Variants in SRGAP1 observed in about 807,000 individuals in gnomAD.
SRGAP1 encodes SLIT-ROBO Rho GTPase activating protein 1.
A neutral mutation model predicts 121.9 loss-of-function variants in SRGAP1; 43 were observed. That is an observed-to-expected ratio of 0.35 (90% CI 0.28 to 0.46). The LOEUF (loss-of-function observed/expected upper bound fraction) is 0.46. Among genes scored for constraint, SRGAP1 ranks in the 20% least tolerant of loss-of-function variants. The pLI is 1.00. For synonymous variants in SRGAP1, 447 were observed against 485.4 expected, an observed-to-expected ratio of 0.92 and a Z score of 1.04; for missense variants, 1,102 against 1,350.9, an observed-to-expected ratio of 0.82 and a Z score of 2.89.
intron 1 of SRGAP1, among the ~76,000 whole-genome samples, chr12:63,852,496 A>G (rs956244960): frequency 1.3e-5 from 2 of 152,214 alleles, no homozygotes; most frequent in African/African-American, 2.4e-5. Context: ...GACAATGCAT[A>G]CAGATTCCCA....
rs1180842778 is a variant in SRGAP1 at position 64,149,466 on chromosome 12, A to G, written c.*6794A>G. The G allele has an allele frequency of 2.0e-5, 3 of 152,108 alleles. No individual in the cohort carries two copies. Among genetic ancestry groups the G allele is most frequent in the Admixed American group, 6.5e-5 (1 of 15,276 alleles). The allele number at this position is 152,108 out of a possible 1,614,324, so 9.4% of individuals were successfully genotyped here. A position where few individuals can be genotyped will look rare whatever the true frequency, so the allele number is the denominator to read the frequency against. On this transcript the variant is annotated 3_prime_UTR_variant, in exon 22 of 22. Transcript: ENST00000355086. ...TAGCCCACCAGGAACAAATGCCCAA[A>G]TCAGTCTGTAGAGTTGTTCCAGGAA...
At chr12:63,956,820 T>C (rs1038235862) in intron 1 of SRGAP1, among the ~76,000 whole-genome samples, 1 of 151,122 alleles carries the variant, frequency 6.6e-6, no homozygotes, top group South Asian at 2.1e-4. Flanking sequence ...TATTCAGAGC[T>C]GTGCAACAAT....
At chr12:63,898,628 C>T (rs1487179294) in intron 1 of SRGAP1, among the ~76,000 whole-genome samples, 1 of 152,134 alleles carries the variant, frequency 6.6e-6, no homozygotes, top group Non-Finnish European at 1.5e-5. Context: ...ACTCTACAAA[C>T]AATCCAGAAT....
At chr12:64,001,000 A>T (rs1259318796) in intron 3 of SRGAP1, among the ~76,000 whole-genome samples, 1 of 152,190 alleles carries the variant, frequency 6.6e-6, no homozygotes, top group Non-Finnish European at 1.5e-5. Flanking sequence ...ACTTGAGAAA[A>T]TATCACAATA....
Position 64,108,934 on chromosome 12 carries a change from A to C in SRGAP1, c.1816A>C (p.Ile606Leu), listed in dbSNP as rs535795598. The change falls in exon 16 of 22, where the codon ATA (isoleucine) becomes CTA (leucine). Residue 606 changes from isoleucine to leucine, a missense_variant and splice_region_variant. Physicochemically the swap from Ile to Leu is conservative, Grantham distance 5 (BLOSUM62 2). Transcript: ENST00000355086. ...RFNDLISCIR[I>L]DNLYERALHI... is the part of the protein sequence containing the mutation. Reference sequence around the variant, plus strand: ...ACCATGTCATCTTCTGTCTGTAGGAATAGATAATCTCTATGAGAGGGCGCT... The same window carrying C: ...ACCATGTCATCTTCTGTCTGTAGGACTAGATAATCTCTATGAGAGGGCGCT... 3.1e-5 allele frequency: 50 copies of C among 1,593,984 alleles called. No individual in the cohort carries two copies. The South Asian group carries it at 5.7e-4, about 18-fold the overall frequency.
At chr12:63,937,959 A>G (rs547168511) in intron 1 of SRGAP1, among the ~76,000 whole-genome samples, 1 of 152,204 alleles carries the variant, frequency 6.6e-6, no homozygotes. Flanking sequence ...ATCTCCCCAC[A>G]CAGCAGCAGG....
rs115564701 is a variant in SRGAP1 at position 64,127,599 on chromosome 12, G to A, written c.2415G>A (p.Thr805=). ...QYIVVQDMDD[T]FSDTLSQKAD... ...CCTCTTACTGCTTCAGGGATGATAC[G>A]TTTTCAGACACTCTGAGCCAAAAAG... Residue 805 remains threonine (T), a synonymous_variant, in exon 20 of 22, where the codon ACG becomes ACA. Coordinates refer to ENST00000355086, the MANE Select transcript of SRGAP1 (RefSeq NM_020762.4). 3.1e-4 allele frequency: 506 copies of A among 1,613,436 alleles called. 4 individuals carry two copies. In the African/African-American group the frequency reaches 4.8e-3, roughly 15 times the overall value.
intron 1 of SRGAP1, among the ~76,000 whole-genome samples, chr12:63,917,809 C>G (rs545553152): frequency 1.5e-4 from 22 of 151,282 alleles, no homozygotes; most frequent in Admixed American, 5.9e-4. Flanking sequence ...TTCTGTAATT[C>G]TTGTACACAC....
At chr12:63,853,983 A>G (rs190683043) in intron 1 of SRGAP1, among the ~76,000 whole-genome samples, 49 of 152,334 alleles carry the variant, frequency 3.2e-4, no homozygotes, top group African/African-American at 1.1e-3. Context: ...CTTAGTTGGC[A>G]TGTGTGTTTG....
Position 64,090,405 on chromosome 12 carries a change from C to T in SRGAP1, c.1437-871C>T, listed in dbSNP as rs563847098. Among the ~76,000 whole-genome samples, 17 of 152,228 alleles carry T rather than the reference C, an allele frequency of 1.1e-4. 1 individual carries two copies. The highest frequency in any genetic ancestry group is 1.0e-3 in the Admixed American group (16 of 15,296). ...TGTTCTAAAGAAATAATAACTCATG[C>T]GAGCCTGTATGTCCCCCAAATTAGA... On this transcript the variant is annotated intron_variant, in intron 11 of 21. Coordinates refer to ENST00000355086, the MANE Select transcript of SRGAP1 (RefSeq NM_020762.4).
chr12:64,088,573 G>A (rs932726493), intron 11 of SRGAP1, among the ~76,000 whole-genome samples: 2 of 152,168 alleles, frequency 1.3e-5, no homozygotes, highest in South Asian at 2.1e-4. Flanking sequence ...AATGAGTCAC[G>A]CAATTGGAAT....
rs1048063139 is a variant in SRGAP1, at chr12:63,875,373, G to A, written c.67+30490G>A. ...ATTTCTGCTTTTTAGCAGGAAGGTCGCCAATAATCAAGCTGTAAAAATATT... is the reference window on the plus strand; with the variant it reads ...ATTTCTGCTTTTTAGCAGGAAGGTCACCAATAATCAAGCTGTAAAAATATT... On this transcript the variant is annotated intron_variant, in intron 1 of 21. Coordinates refer to ENST00000355086, the MANE Select transcript of SRGAP1 (RefSeq NM_020762.4). Among the ~76,000 whole-genome samples the A allele has an allele frequency of 2.0e-5, 3 of 152,194 alleles. No individual in the cohort carries two copies. In the South Asian group the frequency reaches 6.2e-4, roughly 32 times the overall value.
At chr12:63,917,861 G>T (rs1235146356) in intron 1 of SRGAP1, among the ~76,000 whole-genome samples, 1 of 150,032 alleles carries the variant, frequency 6.7e-6, no homozygotes, top group Non-Finnish European at 1.5e-5. Flanking sequence ...GGGATGATGT[G>T]TCTGTGTTGT....
intron 1 of SRGAP1, among the ~76,000 whole-genome samples, chr12:63,877,652 A>C (rs183764687): frequency 6.6e-6 from 1 of 152,304 alleles, no homozygotes; most frequent in Admixed American, 6.5e-5. Context: ...TCATTTTATA[A>C]AATTTGGGTA....
At chr12:63,919,123 G>C (rs2030923534) in intron 1 of SRGAP1, among the ~76,000 whole-genome samples, 1 of 152,116 alleles carries the variant, frequency 6.6e-6, no homozygotes, top group Non-Finnish European at 1.5e-5. Flanking sequence ...TGTAATCTCA[G>C]CTCACTGCAA....
chr12:64,105,975 G>C (rs956684136), intron 15 of SRGAP1, among the ~76,000 whole-genome samples: 1 of 152,012 alleles, frequency 6.6e-6, no homozygotes, highest in South Asian at 2.1e-4. Flanking sequence ...TAAAACTAGC[G>C]TTAAGCTACA....
At chr12:63,993,367 T>G (rs890450421) in intron 3 of SRGAP1, among the ~76,000 whole-genome samples, 1 of 152,244 alleles carries the variant, frequency 6.6e-6, no homozygotes, top group Non-Finnish European at 1.5e-5. Context: ...CCGATCTTCC[T>G]CTTTTCTAGC....
intron 9 of SRGAP1, 116 bp from the exon 10 acceptor site, chr12:64,080,170 G>A: frequency 2.7e-6 from 2 of 739,166 alleles, no homozygotes; most frequent in Non-Finnish European, 4.3e-6. Context: ...TTGAACCCCA[G>A]AGGAAGAGGT....
chr12:63,930,285 GT>G (rs2031423182), intron 1 of SRGAP1, among the ~76,000 whole-genome samples: 1 of 135,122 alleles, frequency 7.4e-6, no homozygotes, highest in South Asian at 2.6e-4. Context: ...GAGGTCAGGA[GT>G]TTGAGACCAG....
Sources: gnomAD v4.1 joint callset for allele counts (sites outside exome capture counted in the v4.1 genomes callset) on GRCh38, gnomAD v4.1.1 for gene constraint, MANE v1.5 for transcripts, NCBI Gene and HGNC (gene_info 2026-07-23, HGNC 2026-07-21) for gene names.